ARID1B: variants seen among roughly 807,000 people sequenced by gnomAD.
The protein encoded by ARID1B is AT-rich interactive domain-containing protein 1B.
ARID1B carries 30 observed loss-of-function variants against 212.3 expected under a neutral mutation model. That is an observed-to-expected ratio of 0.14 (90% confidence interval 0.11 to 0.19). The LOEUF (loss-of-function observed/expected upper bound fraction) is 0.19. Among genes scored for constraint, ARID1B ranks in the 10% least tolerant of loss-of-function variants. The pLI is 1.00. For synonymous variants in ARID1B, 1,402 were observed against 1,301.7 expected (o/e 1.08, Z -1.66); for missense variants, 2,891 against 3,204.0 (o/e 0.90, Z 2.36).
chr6:156,944,464 C>A (rs182940354), intron 4 of ARID1B, among the ~76,000 whole-genome samples: 1 of 152,008 alleles, frequency 6.6e-6, no homozygotes, highest in Non-Finnish European at 1.5e-5. Flanking sequence ...GTTTGGGAGC[C>A]GTGATGTCGT....
intron 1 of ARID1B, among the ~76,000 whole-genome samples, chr6:156,779,886 C>T (rs2115020391): frequency 6.6e-6 from 1 of 152,288 alleles, no homozygotes; most frequent in African/African-American, 2.4e-5. Flanking sequence ...CCGATCGGTT[C>T]TGGGAGCGCC....
intron 5 of ARID1B, among the ~76,000 whole-genome samples, chr6:157,098,795 G>A (rs140003157): frequency 4.1e-4 from 63 of 152,242 alleles, no homozygotes; most frequent in Non-Finnish European, 2.1e-4. Flanking sequence ...AGTGCAGTGG[G>A]ACCCAGGCTG....
chr6:156,917,075 A>C lies in ARID1B; in HGVS notation c.2136+15550A>C, dbSNP rs1790417013. ...CACTGTTGTGCCCTCATAGCCAGAA[A>C]AACCTTTTTCTTTTCTTAGAGAAGA... On this transcript the variant is annotated intron_variant, in intron 3 of 19. Coordinates refer to ENST00000636930, the MANE Select transcript of ARID1B (RefSeq NM_001374828.1). 2.6e-5 allele frequency among the ~76,000 whole-genome samples: 4 copies of C among 152,286 alleles called. No homozygotes were observed. The South Asian group carries it at 8.3e-4, about 32-fold the overall frequency.
intron 4 of ARID1B, among the ~76,000 whole-genome samples, chr6:157,044,063 T>C (rs963876279): frequency 6.6e-6 from 1 of 152,212 alleles, no homozygotes; most frequent in Admixed American, 6.5e-5. Flanking sequence ...TGGAATGATC[T>C]TATGTCAGAG....
chr6:156,934,135 G>A (rs1791966839), intron 3 of ARID1B, among the ~76,000 whole-genome samples: 1 of 152,166 alleles, frequency 6.6e-6, no homozygotes, highest in African/African-American at 2.4e-5. Flanking sequence ...GACAAGGGAA[G>A]GGAGATAATT....
In ARID1B at chr6:157,207,850, T is replaced by C; in HGVS notation, c.7078T>C (p.Ser2360Pro). ...ISAVLNSLVA[S>P]VICDVLFQIG... Reference sequence around the variant, plus strand: ...AGCTGTCCTGAACTCTCTGGTTGCATCTGTCATCTGTGATGTACTGTTTCA... The same window carrying C: ...AGCTGTCCTGAACTCTCTGGTTGCACCTGTCATCTGTGATGTACTGTTTCA... The change falls in exon 20 of 20, where the codon TCT becomes CCT. Residue 2360 changes from serine to proline, a missense_variant. This residue lies in a region of ARID1B where 187 missense variants were observed against 306.5 expected (regional missense o/e 0.61). Transcript: ENST00000636930. This position sits in a 1 kb window ranked among gnomAD's most constrained non-coding sequence, Gnocchi z 8.5. The C allele has an allele frequency of 1.3e-6, 2 of 1,515,080 alleles. No homozygotes were observed. The highest frequency in any genetic ancestry group is 2.7e-5 in the South Asian group (2 of 75,014). 93.9% of individuals were successfully genotyped at this position (1,515,080 alleles called of 1,614,324 possible).
intron 2 of ARID1B, among the ~76,000 whole-genome samples, chr6:156,835,239 CAA>C (rs58070286): frequency 4.6e-4 from 49 of 107,568 alleles, no homozygotes; most frequent in East Asian, 9.0e-4. Context: ...GACTCTGTCA[CAA>C]AAAAAAAAAA....
chr6:157,039,743 C>CCCTCCCTT lies in ARID1B; in HGVS notation c.2248-44916_2248-44915insCCCTTCCT, dbSNP rs1554287274. Among the ~76,000 whole-genome samples, 395 of 92,118 alleles carry CCCTCCCTT rather than the reference C, an allele frequency of 4.3e-3. 10 individuals carry two copies. Among genetic ancestry groups the CCCTCCCTT allele is most frequent in the African/African-American group, 0.018 (361 of 19,972 alleles). The allele number at this position is 92,118 out of a possible 152,430, so 60.4% of individuals were successfully genotyped here. On this transcript the variant is annotated intron_variant, in intron 4 of 19. Transcript: ENST00000636930. ...CCTTTCTTTCTTTCCCTCCCTCCCT[C>CCCTCCCTT]CCTTCCTTCCTTCCTACCTTCCTAC...
intron 2 of ARID1B, among the ~76,000 whole-genome samples, chr6:156,831,993 T>A (rs1425243039): frequency 6.6e-6 from 1 of 152,250 alleles, no homozygotes; most frequent in Non-Finnish European, 1.5e-5. Flanking sequence ...TTTAGTTAAA[T>A]ACAGCTTTGA....
intron 2 of ARID1B, among the ~76,000 whole-genome samples, chr6:156,876,487 G>A (rs1786562636): frequency 6.6e-6 from 1 of 152,202 alleles, no homozygotes; most frequent in Non-Finnish European, 1.5e-5. Context: ...CCACCTGGGG[G>A]CGCCTCCAGC....
chr6:156,816,919 C>T (rs1400709598), intron 1 of ARID1B, among the ~76,000 whole-genome samples: 1 of 152,096 alleles, frequency 6.6e-6, no homozygotes, highest in Non-Finnish European at 1.5e-5. Flanking sequence ...GATAAGATTT[C>T]TGATCAAAGA....
intron 3 of ARID1B, among the ~76,000 whole-genome samples, chr6:156,925,308 G>T (rs1791130424): frequency 6.6e-6 from 1 of 152,188 alleles, no homozygotes; most frequent in Admixed American, 6.5e-5. Context: ...TTATCAGTAA[G>T]AAAGCATCAT....
chr6:157,068,759 T>A (rs1233454764), intron 4 of ARID1B, among the ~76,000 whole-genome samples: 1 of 152,178 alleles, frequency 6.6e-6, no homozygotes, highest in Non-Finnish European at 1.5e-5. Context: ...CTCACACACG[T>A]GCGTACACAG....
intron 4 of ARID1B, among the ~76,000 whole-genome samples, chr6:156,953,406 C>G (rs1793731864): frequency 6.6e-6 from 1 of 152,126 alleles, no homozygotes; most frequent in African/African-American, 2.4e-5. Context: ...TGCAGTCACT[C>G]TTAATTTGAA....
intron 4 of ARID1B, among the ~76,000 whole-genome samples, chr6:156,963,241 CAA>C (rs1794520320): frequency 6.6e-6 from 1 of 152,154 alleles, no homozygotes; most frequent in Non-Finnish European, 1.5e-5. Context: ...TAGGGAGTAA[CAA>C]AGAAGTCTGT....
intron 4 of ARID1B, among the ~76,000 whole-genome samples, chr6:157,047,872 C>G (rs958767270): frequency 6.6e-6 from 1 of 152,168 alleles, no homozygotes; most frequent in Non-Finnish European, 1.5e-5. Flanking sequence ...GGGACATGCA[C>G]ATGTAATTAG....
intron 2 of ARID1B, among the ~76,000 whole-genome samples, chr6:156,872,179 A>T (rs1444284175): frequency 6.6e-6 from 1 of 152,222 alleles, no homozygotes; most frequent in African/African-American, 2.4e-5. Flanking sequence ...TTTCTTTTTT[A>T]TTAAACAAGA....
intron 2 of ARID1B, chr6:156,871,670 T>G (rs1786143234): frequency 6.2e-7 from 1 of 1,609,308 alleles, no homozygotes; most frequent in Admixed American, 1.7e-5. Flanking sequence ...TCTTCTTACA[T>G]GCTCTTACTT....
chr6:156,798,403 C>A (rs1329925222), intron 1 of ARID1B, among the ~76,000 whole-genome samples: 2 of 152,234 alleles, frequency 1.3e-5, no homozygotes, highest in Non-Finnish European at 2.9e-5. Flanking sequence ...TCCTAGGTGA[C>A]AGGCTTTCCC....
Sources: allele counts gnomAD v4.1 joint callset (sites outside exome capture counted in the v4.1 genomes callset), GRCh38; gene constraint gnomAD v4.1.1; regional missense constraint gnomAD v4.1.1; non-coding constraint Gnocchi (gnomAD v3.1); transcripts MANE v1.5; gene names NCBI Gene and HGNC (gene_info 2026-07-23, HGNC 2026-07-21).